Variants in CRADD observed in about 807,000 individuals in gnomAD.
CRADD encodes CARD and death domain containing adaptor protein.
CRADD carries 9 observed loss-of-function variants against 15.5 expected under a neutral mutation model. The ratio of observed to expected loss-of-function variants is 0.58; its 90% CI spans 0.35 to 1.01. The LOEUF is 1.01. Among genes scored for constraint, CRADD ranks in the 50% least tolerant of loss-of-function variants. CRADD has a pLI of 0.02. For missense variants in CRADD, 227 were observed against 250.3 expected, an observed-to-expected ratio of 0.91 and a Z score of 0.63; for synonymous variants, 118 against 107.6, an observed-to-expected ratio of 1.10 and a Z score of -0.60.
intron 2 of CRADD, chr12:93,738,660 G>T (rs1056992935): frequency 1.3e-5 from 7 of 525,728 alleles, no homozygotes; most frequent in Non-Finnish European, 2.3e-5. Flanking sequence ...TTTTTTGTGC[G>T]TAAAGTGTCA....
chr12:93,791,506 G>A (rs145066630), intron 2 of CRADD, among the ~76,000 whole-genome samples: 35 of 152,260 alleles, frequency 2.3e-4, no homozygotes, highest in African/African-American at 7.5e-4. Context: ...TAGAATGGTG[G>A]TTACCAGGGC....
chr12:93,810,424 G>T (rs1472808433), intron 2 of CRADD, among the ~76,000 whole-genome samples: 1 of 151,830 alleles, frequency 6.6e-6, no homozygotes, highest in African/African-American at 2.4e-5. Flanking sequence ...GGTGGCGCAT[G>T]CCTGTAATCT....
intron 2 of CRADD, among the ~76,000 whole-genome samples, chr12:93,702,114 TCTG>T (rs1170304666): frequency 1.3e-5 from 2 of 152,202 alleles, no homozygotes; most frequent in Non-Finnish European, 1.5e-5. Flanking sequence ...CTTGTTCACA[TCTG>T]CTGCAGCCAT....
At chr12:93,705,063 C>T (rs1240621160) in intron 2 of CRADD, among the ~76,000 whole-genome samples, 4 of 152,200 alleles carry the variant, frequency 2.6e-5, no homozygotes, top group African/African-American at 7.2e-5. Context: ...AATTATCCTC[C>T]GCACTTGATT....
intron 2 of CRADD, among the ~76,000 whole-genome samples, chr12:93,750,452 G>A (rs995963330): frequency 6.6e-6 from 1 of 152,062 alleles, no homozygotes; most frequent in Non-Finnish European, 1.5e-5. Context: ...TTTCTGGCAG[G>A]TAGAAAAGAT....
At position 93,831,548 on chromosome 12, in the gene CRADD, G is replaced by A. The variant is rs115624435; in HGVS notation, c.299-18422G>A. Among the ~76,000 whole-genome samples the A allele has an allele frequency of 2.6e-5, 4 of 152,280 alleles. No individual in the cohort carries two copies. In the South Asian group the frequency reaches 8.3e-4, roughly 32 times the overall value. ...AGTTTTGCATTATGTGCAGCTGCAC[G>A]GGGAATGCAGCTGCTACCCAAAATG... On this transcript the variant is annotated intron_variant, in intron 2 of 2. Coordinates refer to ENST00000332896, the MANE Select transcript of CRADD (RefSeq NM_003805.5).
At chr12:93,774,311 A>G (rs1428306874) in intron 2 of CRADD, among the ~76,000 whole-genome samples, 1 of 152,178 alleles carries the variant, frequency 6.6e-6, no homozygotes. Flanking sequence ...ATAGATTCCT[A>G]GAGTATTAGA....
At chr12:93,892,156 T>A (rs2137080783) in intron 2 of CRADD, among the ~76,000 whole-genome samples, 1 of 152,308 alleles carries the variant, frequency 6.6e-6, no homozygotes, top group East Asian at 1.9e-4. Flanking sequence ...TTGCTCACGC[T>A]GCTTTACCGA....
intron 2 of CRADD, among the ~76,000 whole-genome samples, chr12:93,873,705 T>A (rs1958438070): frequency 1.3e-5 from 2 of 152,160 alleles, no homozygotes; most frequent in Non-Finnish European, 2.9e-5. Flanking sequence ...GGATATGATA[T>A]ATCACATTGA....
intron 2 of CRADD, among the ~76,000 whole-genome samples, chr12:93,792,929 A>G (rs1957366704): frequency 6.6e-6 from 1 of 152,102 alleles, no homozygotes; most frequent in Non-Finnish European, 1.5e-5. Context: ...AATATATAGA[A>G]TTTTCTGGAT....
At chr12:93,774,015 T>G (rs923557583) in intron 2 of CRADD, among the ~76,000 whole-genome samples, 11 of 150,168 alleles carry the variant, frequency 7.3e-5, no homozygotes, top group Admixed American at 6.6e-5. Context: ...TTTTTTTTTT[T>G]TGTAGAGATG....
chr12:93,791,514 G>C (rs1049914134), intron 2 of CRADD, among the ~76,000 whole-genome samples: 1 of 152,152 alleles, frequency 6.6e-6, no homozygotes, highest in East Asian at 1.9e-4. Flanking sequence ...TGGTTACCAG[G>C]GCTGGGGGTT....
At chr12:93,725,809 G>T (rs1014515290) in intron 2 of CRADD, among the ~76,000 whole-genome samples, 1 of 152,168 alleles carries the variant, frequency 6.6e-6, no homozygotes, top group African/African-American at 2.4e-5. Context: ...GTGCCTGTTT[G>T]TCCCATTCAT....
At chr12:93,751,725 G>A (rs1416852127) in intron 2 of CRADD, among the ~76,000 whole-genome samples, 1 of 152,126 alleles carries the variant, frequency 6.6e-6, no homozygotes, top group African/African-American at 2.4e-5. Context: ...ATTAGCCAGG[G>A]TGGTGGTGTG....
chr12:93,843,408 T>C (rs1452417108), intron 2 of CRADD, among the ~76,000 whole-genome samples: 2 of 147,602 alleles, frequency 1.4e-5, no homozygotes, highest in African/African-American at 5.0e-5. Flanking sequence ...TTTGAGACAG[T>C]CTTGCTCTGT....
In CRADD at chr12:93,823,564, G is replaced by A. The variant is rs144843268; in HGVS notation, c.299-26406G>A. ...TTTCTTTTTCTTTTAAGAATTCTCTGCCACTAAGTTCTTCCAGCCAAAGAA... is the reference window on the plus strand; with the variant it reads ...TTTCTTTTTCTTTTAAGAATTCTCTACCACTAAGTTCTTCCAGCCAAAGAA... On this transcript the variant is annotated intron_variant, in intron 2 of 2. Coordinates refer to ENST00000332896, the MANE Select transcript of CRADD (RefSeq NM_003805.5). Among the ~76,000 whole-genome samples, 101 of 152,282 alleles carry A rather than the reference G, an allele frequency of 6.6e-4. No individual in the cohort carries two copies. In the East Asian group the frequency reaches 0.014, roughly 21 times the overall value.
At chr12:93,846,243 G>C (rs1958114163) in intron 2 of CRADD, among the ~76,000 whole-genome samples, 1 of 152,144 alleles carries the variant, frequency 6.6e-6, no homozygotes, top group African/African-American at 2.4e-5. Flanking sequence ...ATGAACATAG[G>C]TGTACGAATT....
At chr12:93,872,914 TTTTAGGA>T (rs1958433011) in intron 2 of CRADD, among the ~76,000 whole-genome samples, 1 of 152,146 alleles carries the variant, frequency 6.6e-6, no homozygotes, top group Non-Finnish European at 1.5e-5. Context: ...TCTATATAAA[TTTTAGGA>T]TTTTTTTTCT....
chr12:93,763,132 G>A (rs561386977), intron 2 of CRADD, among the ~76,000 whole-genome samples: 2 of 152,350 alleles, frequency 1.3e-5, no homozygotes, highest in South Asian at 4.1e-4. Flanking sequence ...CAGATGACGA[G>A]GCTGGAACTC....
Sources: allele counts gnomAD v4.1 joint callset (sites outside exome capture counted in the v4.1 genomes callset), GRCh38; gene constraint gnomAD v4.1.1; transcripts MANE v1.5; gene names NCBI Gene and HGNC (gene_info 2026-07-23, HGNC 2026-07-21).